The following KAT6B variants were observed in gnomAD, a reference collection of about 807,000 sequenced individuals.
KAT6B encodes the protein histone acetyltransferase KAT6B.
Under a neutral mutation model 187.5 loss-of-function variants are expected in KAT6B, and 10 were observed. The ratio of observed to expected loss-of-function variants is 0.05; its 90% CI spans 0.03 to 0.09. KAT6B has a LOEUF of 0.09. KAT6B is among the 10% of genes least tolerant of loss of function. KAT6B has a pLI of 1.00. For synonymous variants in KAT6B, 861 were observed against 926.8 expected (o/e 0.93, Z 1.29); for missense variants, 1,952 against 2,558.9 (o/e 0.76, Z 5.12).
intron 1 of KAT6B, among the ~76,000 whole-genome samples, chr10:74,831,208 T>G (rs1245331604): frequency 1.3e-5 from 2 of 152,236 alleles, no homozygotes; most frequent in Non-Finnish European, 2.9e-5. Flanking sequence ...TTAGAAGTTC[T>G]TTATTTACTG....
At chr10:74,927,361 G>A (rs1219955256) in intron 3 of KAT6B, among the ~76,000 whole-genome samples, 2 of 151,966 alleles carry the variant, frequency 1.3e-5, no homozygotes, top group Non-Finnish European at 2.9e-5. Flanking sequence ...CCTCTCGGGA[G>A]AGCCTGAATG....
At chr10:74,907,393 C>T (rs1374492341) in intron 3 of KAT6B, among the ~76,000 whole-genome samples, 1 of 152,230 alleles carries the variant, frequency 6.6e-6, no homozygotes, top group Admixed American at 6.5e-5. Context: ...TGTTTGTCAG[C>T]AGTACATCCT....
chr10:74,960,703 C>G (rs1841041924), intron 4 of KAT6B, among the ~76,000 whole-genome samples: 1 of 152,134 alleles, frequency 6.6e-6, no homozygotes, highest in Non-Finnish European at 1.5e-5. Context: ...CATTCTGAGC[C>G]CCTGTTTCCT....
In KAT6B at chr10:74,875,651, A is replaced by G. The variant is rs557930945; in HGVS notation, c.621+32173A>G. ...CGGCTAATTTTTGTATTTTTAGTAG[A>G]GATGAGGTTTCACCATGCCGGCCAG... On this transcript the variant is annotated intron_variant, in intron 3 of 17. Transcript: ENST00000287239. 2.6e-5 allele frequency among the ~76,000 whole-genome samples: 4 copies of G among 152,058 alleles called. No individual in the cohort carries two copies. In the East Asian group the frequency reaches 5.8e-4, roughly 22 times the overall value.
Position 74,843,243 on chromosome 10 carries a change from T to G in KAT6B, c.386T>G (p.Ile129Arg), listed in dbSNP as rs533770793. 1 of 1,614,158 alleles carries G rather than the reference T, an allele frequency of 6.2e-7. No individual in the cohort carries two copies. Among genetic ancestry groups the G allele is most frequent in the South Asian group, 1.1e-5 (1 of 91,076 alleles). Residue 129 changes from isoleucine (I) to arginine (R), a missense_variant, in exon 3 of 18, where the codon ATA (isoleucine) becomes AGA (arginine). Transcript: ENST00000287239. ...CCGAATGGCTCCTCCCTGAAGAACA[T>G]AGAGAAGTATCTCAGAAGTCAAAGT... ...EEPNGSSLKN[I>R]EKYLRSQSDL...
chr10:75,003,062 A>G (rs1214536751), intron 13 of KAT6B: 4 of 152,226 alleles, frequency 2.6e-5, no homozygotes. Context: ...TTACTTCCAA[A>G]TGATGCTAGG....
chr10:75,021,005 T>C (rs1440797119), intron 14 of KAT6B, 121 bp from the exon 15 acceptor site: 7 of 1,049,398 alleles, frequency 6.7e-6, no homozygotes, highest in East Asian at 2.4e-5. Flanking sequence ...TACCCTCTCA[T>C]TGAGGTGCTT....
chr10:74,971,561 T>G (rs1841847894), intron 6 of KAT6B, among the ~76,000 whole-genome samples: 1 of 152,196 alleles, frequency 6.6e-6, no homozygotes, highest in African/African-American at 2.4e-5. Context: ...TTGTGTTTTA[T>G]TCTTGGCTGT....
At chr10:74,964,614 C>G (rs573741254) in intron 4 of KAT6B, among the ~76,000 whole-genome samples, 8 of 152,184 alleles carry the variant, frequency 5.3e-5, no homozygotes, top group South Asian at 2.1e-4. Flanking sequence ...GCTTTTCCAA[C>G]GAGTCTACCC....
At chr10:74,919,481 A>G (rs917751755) in intron 3 of KAT6B, among the ~76,000 whole-genome samples, 10 of 151,462 alleles carry the variant, frequency 6.6e-5, no homozygotes, top group Non-Finnish European at 1.2e-4. Flanking sequence ...CTCCACTGCA[A>G]CCTCTGCCTC....
intron 13 of KAT6B, among the ~76,000 whole-genome samples, chr10:74,990,969 A>C (rs934510800): frequency 6.6e-6 from 1 of 151,942 alleles, no homozygotes; most frequent in African/African-American, 2.4e-5. Context: ...TTTTTTGTCT[A>C]TTCAGTCCCT....
chr10:74,941,625 G>T (rs974369383), intron 3 of KAT6B, among the ~76,000 whole-genome samples: 18 of 152,180 alleles, frequency 1.2e-4, no homozygotes, highest in Non-Finnish European at 2.5e-4. Context: ...ACACACACAT[G>T]CATGCACACA....
rs760250655 is a variant in KAT6B, at chr10:75,024,967, G to T, written c.3382G>T (p.Val1128Leu). ...SVAIKRKRPF[V>L]LKKKRGRKRR... ...TTGGAATTAATTTCAGAGGCCTTTT[G>T]TACTAAAGAAGAAAAGGGGTCGTAA... is the stretch of plus-strand genomic sequence containing the variant. Residue 1128 changes from valine (V) to leucine (L), a missense_variant, in exon 17 of 18, where the codon GTA becomes TTA. Coordinates refer to ENST00000287239, the MANE Select transcript of KAT6B (RefSeq NM_012330.4). The T allele has an allele frequency of 6.2e-7, 1 of 1,614,004 alleles. No individual in the cohort carries two copies. The highest frequency in any genetic ancestry group is 8.5e-7 in the Non-Finnish European group (1 of 1,179,894).
intron 13 of KAT6B, among the ~76,000 whole-genome samples, chr10:74,992,258 C>T (rs1843165010): frequency 6.6e-6 from 1 of 152,182 alleles, no homozygotes; most frequent in Non-Finnish European, 1.5e-5. Context: ...CCCACTTGCA[C>T]ACTTGATCAC....
intron 3 of KAT6B, among the ~76,000 whole-genome samples, chr10:74,908,156 A>T (rs1255620003): frequency 6.6e-6 from 1 of 152,188 alleles, no homozygotes; most frequent in African/African-American, 2.4e-5. Flanking sequence ...GCTTCTTGCC[A>T]TGTGATGCCC....
At chr10:75,007,920 A>G (rs1009992587) in intron 13 of KAT6B, among the ~76,000 whole-genome samples, 1 of 152,196 alleles carries the variant, frequency 6.6e-6, no homozygotes, top group Non-Finnish European at 1.5e-5. Flanking sequence ...TGAGTGCACA[A>G]GTATTTAGTG....
At chr10:75,015,534 C>T (rs1247687251) in intron 13 of KAT6B, among the ~76,000 whole-genome samples, 1 of 152,196 alleles carries the variant, frequency 6.6e-6, no homozygotes, top group South Asian at 2.1e-4. Context: ...GTCAGTGCTG[C>T]TCTGCACCAG....
chr10:75,010,034 A>G (rs1205734725), intron 13 of KAT6B, among the ~76,000 whole-genome samples: 1 of 152,170 alleles, frequency 6.6e-6, no homozygotes, highest in Admixed American at 6.5e-5. Flanking sequence ...ACATGACACC[A>G]AGTCCATGGG....
In KAT6B at chr10:75,020,797, G is replaced by T; in HGVS notation, c.2845G>T (p.Asp949Tyr). 1.2e-6 allele frequency: 2 copies of T among 1,613,968 alleles called. No individual in the cohort carries two copies. Among genetic ancestry groups the T allele is most frequent in the South Asian group, 2.2e-5 (2 of 91,054 alleles). ...ATTLQHLHMI[D>Y]KRDGRFVIIR... ...CACTCTGCAGCACCTCCACATGATC[G>T]ACAAGAGAGATGGCAGGTGAGTCCT... The change falls in exon 14 of 18, where the codon GAC becomes TAC. Residue 949 changes from aspartate to tyrosine, a missense_variant. Physicochemically the swap from Asp to Tyr is radical, Grantham distance 160. Coordinates refer to ENST00000287239, the MANE Select transcript of KAT6B (RefSeq NM_012330.4).
Sources: gnomAD v4.1 joint callset for allele counts (sites outside exome capture counted in the v4.1 genomes callset) on GRCh38, gnomAD v4.1.1 for gene constraint, MANE v1.5 for transcripts, NCBI Gene and HGNC (gene_info 2026-07-23, HGNC 2026-07-21) for gene names.